Variants in AIMP1 observed in about 807,000 individuals in gnomAD.
AIMP1 encodes the protein aminoacyl tRNA synthetase complex interacting multifunctional protein 1, also known as aminoacyl tRNA synthase complex-interacting multifunctional protein 1.
Under a neutral mutation model 33.1 loss-of-function variants are expected in AIMP1, and 24 were observed. That is an observed-to-expected ratio of 0.73 (90% CI 0.53 to 1.02). The LOEUF (loss-of-function observed/expected upper bound fraction) is 1.02, where lower values mean the gene tolerates loss of function less well. Ranked by LOEUF, AIMP1 falls within the 50% of genes least tolerant of loss-of-function variation. The pLI, the probability that AIMP1 is intolerant of heterozygous loss-of-function variation, is 0.00. For missense variants in AIMP1, 367 were observed against 364.8 expected (o/e 1.01, Z -0.05); for synonymous variants, 120 against 121.5 (o/e 0.99, Z 0.08).
chr4:106,327,445 T>C lies in AIMP1; in HGVS notation c.110-6T>C. ...ACATATTTTAACTGGATGTTCTTGA[T>C]CCTAGTTTTGCAGGCAACTTTGAGG... On this transcript the variant is annotated splice_region_variant and splice_polypyrimidine_tract_variant and intron_variant, in intron 2 of 6. Coordinates refer to ENST00000672341, the MANE Select transcript of AIMP1 (RefSeq NM_001142416.2). The C allele has an allele frequency of 1.9e-6, 3 of 1,598,900 alleles. No individual in the cohort carries two copies. Among genetic ancestry groups the C allele is most frequent in the East Asian group, 4.5e-5 (2 of 44,690 alleles).
chr4:106,338,680 AC>A (rs575568938), intron 6 of AIMP1, among the ~76,000 whole-genome samples: 2 of 151,702 alleles, frequency 1.3e-5, no homozygotes, highest in African/African-American at 4.8e-5. Context: ...GTGGGATGGG[AC>A]CCCCCCACAC....
Position 106,347,443 on chromosome 4 carries a change from A to G in AIMP1, c.773-83A>G, listed in dbSNP as rs1278000775. ...TCAGAAAATGTTGCCAAAACAATTC[A>G]CTGGAAATCTCTGTGAATAGTCTCT... is the stretch of plus-strand genomic sequence containing the variant. On this transcript the variant is annotated intron_variant, in intron 6 of 6. Coordinates refer to ENST00000672341, the MANE Select transcript of AIMP1 (RefSeq NM_001142416.2). The G allele has an allele frequency of 6.8e-6, 9 of 1,319,478 alleles. No homozygotes were observed. The Admixed American group carries it at 2.4e-4, about 35-fold the overall frequency. The allele number at this position is 1,319,478 out of a possible 1,614,324, so 81.7% of individuals were successfully genotyped here.
At chr4:106,318,090 G>A (rs903577843) in intron 1 of AIMP1, among the ~76,000 whole-genome samples, 12 of 152,048 alleles carry the variant, frequency 7.9e-5, no homozygotes, top group Admixed American at 1.3e-4. Flanking sequence ...AACCCTCCAG[G>A]ACCCCCTATG....
chr4:106,329,435 A>G (rs1769582017), intron 4 of AIMP1, among the ~76,000 whole-genome samples: 1 of 152,180 alleles, frequency 6.6e-6, no homozygotes, highest in Non-Finnish European at 1.5e-5. Context: ...ACACAGGACC[A>G]CAAGACCAAA....
chr4:106,328,899 C>T (rs185433505), intron 4 of AIMP1, among the ~76,000 whole-genome samples: 9 of 152,238 alleles, frequency 5.9e-5, no homozygotes, highest in African/African-American at 2.2e-4. Flanking sequence ...ATATTAAAGC[C>T]TCATCTTTTC....
In AIMP1 at chr4:106,336,030, C is replaced by CTT. The variant is rs34219049; in HGVS notation, c.604-811_604-810dup. On this transcript the variant is annotated intron_variant, in intron 5 of 6. Coordinates refer to ENST00000672341, the MANE Select transcript of AIMP1 (RefSeq NM_001142416.2). ...CATGATGCTGAAATTGTTAAATGAT[C>CTT]TTTTTTTTTTTTTTTTTTTTTTTTT... 7.7e-4 allele frequency among the ~76,000 whole-genome samples: 46 copies of CTT among 59,428 alleles called. 2 individuals are homozygous for CTT. Among genetic ancestry groups the CTT allele is most frequent in the Non-Finnish European group, 9.2e-4 (30 of 32,606 alleles). The allele number at this position is 59,428 out of a possible 152,430, so 39.0% of individuals were successfully genotyped here.
intron 2 of AIMP1, among the ~76,000 whole-genome samples, chr4:106,327,225 C>G (rs1769485612): frequency 6.6e-6 from 1 of 151,852 alleles, no homozygotes; most frequent in African/African-American, 2.4e-5. Context: ...CAAAGTCTTT[C>G]TGTTTTACTC....
chr4:106,339,625 C>T (rs532999533), intron 6 of AIMP1, among the ~76,000 whole-genome samples: 8 of 152,266 alleles, frequency 5.3e-5, no homozygotes, highest in Admixed American at 4.6e-4. Context: ...TGAGAACAGA[C>T]TAACAGAACA....
intron 6 of AIMP1, among the ~76,000 whole-genome samples, chr4:106,338,687 C>G (rs151036513): frequency 9.2e-5 from 14 of 152,330 alleles, no homozygotes; most frequent in African/African-American, 1.4e-4. Flanking sequence ...GGGACCCCCC[C>G]ACACACAGAA....
Position 106,347,576 on chromosome 4 carries a change from C to T in AIMP1, c.823C>T (p.Gln275Ter). The T allele has an allele frequency of 6.2e-7, 1 of 1,613,374 alleles. No individual in the cohort carries two copies. Among genetic ancestry groups the T allele is most frequent in the Non-Finnish European group, 8.5e-7 (1 of 1,179,642 alleles). ...NPKKKIWEQI[Q>*]PDLHTNDECV... ...TAAGAAGAAGATTTGGGAGCAGATC[C>T]AGCCTGATCTTCACACTAATGATGA... The change falls in exon 7 of 7, where the codon CAG becomes TAG. Residue 275 changes from glutamine (Q) to a stop codon, truncating the protein, a stop_gained. Coordinates refer to ENST00000672341, the MANE Select transcript of AIMP1 (RefSeq NM_001142416.2). LOFTEE classifies it high-confidence loss of function.
chr4:106,328,862 G>A (rs1769556926), intron 4 of AIMP1, among the ~76,000 whole-genome samples: 1 of 152,014 alleles, frequency 6.6e-6, no homozygotes, highest in South Asian at 2.1e-4. Context: ...CTCAGTTCAG[G>A]TTTTCAACGA....
At chr4:106,317,746 G>A (rs1769018718) in intron 1 of AIMP1, among the ~76,000 whole-genome samples, 1 of 152,178 alleles carries the variant, frequency 6.6e-6, no homozygotes, top group African/African-American at 2.4e-5. Context: ...TTGCTATGTG[G>A]TACTTGAAGG....
chr4:106,339,175 G>A (rs1003514831), intron 6 of AIMP1, among the ~76,000 whole-genome samples: 1 of 152,192 alleles, frequency 6.6e-6, no homozygotes, highest in Non-Finnish European at 1.5e-5. Flanking sequence ...GTGGGCTTTT[G>A]AGTTAATACT....
intron 5 of AIMP1, among the ~76,000 whole-genome samples, chr4:106,335,546 T>G (rs10516534): frequency 0.17 from 25,524 of 152,148 alleles, 2,181 homozygotes; most frequent in South Asian, 0.25. Context: ...TAGGGAAAAG[T>G]TTCATAGCTA....
At chr4:106,336,745 C>A in intron 5 of AIMP1, 124 bp from the exon 6 acceptor site, 1 of 968,524 alleles carries the variant, frequency 1.0e-6, no homozygotes, top group Non-Finnish European at 1.7e-6. Context: ...CACACAAAGA[C>A]AAAGGTACAT....
chr4:106,347,729 T>C lies in AIMP1; in HGVS notation c.*37T>C. On this transcript the variant is annotated 3_prime_UTR_variant, in exon 7 of 7. Coordinates refer to ENST00000672341, the MANE Select transcript of AIMP1 (RefSeq NM_001142416.2). ...TACCAAAAGACATTAGAGAAAACCTTAAAAGTAATAAAGAGAAATATATTT... is the reference window on the plus strand; with the variant it reads ...TACCAAAAGACATTAGAGAAAACCTCAAAAGTAATAAAGAGAAATATATTT... 6.3e-7 allele frequency: 1 copy of C among 1,586,462 alleles called. No homozygotes were observed. The highest frequency in any genetic ancestry group is 2.3e-5 in the East Asian group (1 of 43,304).
intron 6 of AIMP1, among the ~76,000 whole-genome samples, chr4:106,344,365 G>A (rs1350035378): frequency 6.6e-6 from 1 of 152,006 alleles, no homozygotes; most frequent in Non-Finnish European, 1.5e-5. Flanking sequence ...TTTTTCCATG[G>A]TATTTTTCAT....
chr4:106,332,570 G>T (rs1330702798), intron 5 of AIMP1, among the ~76,000 whole-genome samples: 1 of 149,774 alleles, frequency 6.7e-6, no homozygotes, highest in Non-Finnish European at 1.5e-5. Flanking sequence ...TACAGATGAC[G>T]TTTAGGAAAG....
chr4:106,346,842 A>G (rs1235801164), intron 6 of AIMP1, among the ~76,000 whole-genome samples: 1 of 152,148 alleles, frequency 6.6e-6, no homozygotes, highest in African/African-American at 2.4e-5. Flanking sequence ...CCATTCATGC[A>G]CTGCTGTAAA....
Sources: gnomAD v4.1 joint callset for allele counts (sites outside exome capture counted in the v4.1 genomes callset) on GRCh38, gnomAD v4.1.1 for gene constraint, MANE v1.5 for transcripts, NCBI Gene and HGNC (gene_info 2026-07-23, HGNC 2026-07-21) for gene names.